The following PAM variants were observed in gnomAD, a reference collection of about 807,000 sequenced individuals.
PAM encodes the protein peptidyl-glycine alpha-amidating monooxygenase.
A neutral mutation model predicts 122.1 loss-of-function variants in PAM; 72 were observed. The ratio of observed to expected loss-of-function variants is 0.59; its 90% CI spans 0.49 to 0.72. The LOEUF is 0.72. Ranked by LOEUF, PAM falls within the 30% of genes least tolerant of loss-of-function variation. The pLI, the probability that PAM is intolerant of heterozygous loss-of-function variation, is 0.00. For missense variants in PAM, 1,106 were observed against 1,183.7 expected, an observed-to-expected ratio of 0.93 and a Z score of 0.96; for synonymous variants, 389 against 404.4, an observed-to-expected ratio of 0.96 and a Z score of 0.46.
At chr5:103,019,693 A>C (rs1299163385) in intron 22 of PAM, 97 bp from the exon 23 acceptor site, 8 of 792,302 alleles carry the variant, frequency 1.0e-5, no homozygotes, top group Non-Finnish European at 1.8e-5. Flanking sequence ...GAATTAAGGA[A>C]ATATTTTCTA....
intron 1 of PAM, among the ~76,000 whole-genome samples, chr5:102,817,376 A>G (rs1049096234): frequency 1.3e-5 from 2 of 152,118 alleles, no homozygotes; most frequent in African/African-American, 2.4e-5. Flanking sequence ...GTCCCAATTA[A>G]AATATGCTCA....
intron 1 of PAM, among the ~76,000 whole-genome samples, chr5:102,801,479 G>A (rs1200643419): frequency 1.3e-5 from 2 of 152,152 alleles, no homozygotes; most frequent in African/African-American, 2.4e-5. Flanking sequence ...TAAACAGAAG[G>A]AATCGTAGCA....
rs1396751526 is a variant in PAM at position 102,820,219 on chromosome 5, AGAGATGATTTCAAATCAGGGTCCTGTGTG to A, written c.-373-45603_-373-45575del. Among the ~76,000 whole-genome samples, 1,179 of 152,242 alleles carry A rather than the reference AGAGATGATTTCAAATCAGGGTCCTGTGTG, an allele frequency of 7.7e-3. 16 individuals are homozygous for A. Among genetic ancestry groups the A allele is most frequent in the African/African-American group, 0.027 (1,114 of 41,530 alleles). On this transcript the variant is annotated intron_variant, in intron 1 of 25. Transcript: ENST00000438793. ...GCATTTTGTTTTTAGTGAGATTGTT[AGAGATGATTTCAAATCAGGGTCCTGTGTG>A]TTGTTAGAGATGATTTCAAATCAGG... is the stretch of plus-strand genomic sequence containing the variant.
chr5:102,977,686 AC>A (rs1485829614), intron 15 of PAM, among the ~76,000 whole-genome samples: 2 of 151,680 alleles, frequency 1.3e-5, no homozygotes, highest in African/African-American at 2.4e-5. Context: ...ACACACACAC[AC>A]ACACACACAC....
intron 1 of PAM, among the ~76,000 whole-genome samples, chr5:102,763,305 A>G (rs1365635920): frequency 1.3e-5 from 2 of 152,122 alleles, no homozygotes; most frequent in African/African-American, 2.4e-5. Flanking sequence ...TTTTTTATCT[A>G]TGTATTTGAC....
At chr5:102,864,257 CA>C (rs1183353915) in intron 1 of PAM, among the ~76,000 whole-genome samples, 4 of 149,400 alleles carry the variant, frequency 2.7e-5, no homozygotes, top group Non-Finnish European at 5.9e-5. Flanking sequence ...TTGTTGCTAG[CA>C]AAGGCAATAG....
Position 102,997,021 on chromosome 5 carries a change from A to C in PAM, c.1614-6012A>C, listed in dbSNP as rs369339199. The stretch of plus-strand genomic sequence containing the variant: ...TTCTAGAATTTGTGTTATCACTGAT[A>C]TTCTTAACAGTGAAAGTATAGTAAT... On this transcript the variant is annotated intron_variant, in intron 16 of 25. Transcript: ENST00000438793. 5.3e-5 allele frequency among the ~76,000 whole-genome samples: 8 copies of C among 152,296 alleles called. No homozygotes were observed. The South Asian group carries it at 1.7e-3, about 32-fold the overall frequency.
intron 21 of PAM, among the ~76,000 whole-genome samples, chr5:103,012,076 A>G (rs963289611): frequency 2.6e-5 from 4 of 152,146 alleles, no homozygotes; most frequent in Admixed American, 6.5e-5. Flanking sequence ...AAAAATGTCT[A>G]TTCAAATCTT....
intron 3 of PAM, among the ~76,000 whole-genome samples, chr5:102,894,162 T>A (rs1164349742): frequency 2.0e-5 from 3 of 151,496 alleles, no homozygotes; most frequent in African/African-American, 7.3e-5. Context: ...GGCTAGAGCT[T>A]TACATAGTCT....
intron 3 of PAM, among the ~76,000 whole-genome samples, chr5:102,887,520 A>C (rs368216143): frequency 6.6e-6 from 1 of 151,992 alleles, no homozygotes; most frequent in South Asian, 2.1e-4. Context: ...TGTGTTCTTC[A>C]GTCAAAGCAC....
intron 1 of PAM, among the ~76,000 whole-genome samples, chr5:102,813,465 C>A (rs1768606941): frequency 6.6e-6 from 1 of 152,158 alleles, no homozygotes. Flanking sequence ...GTAACTACTC[C>A]AAAGACATTG....
At chr5:102,973,408 T>A (rs993847838) in intron 14 of PAM, among the ~76,000 whole-genome samples, 10 of 152,204 alleles carry the variant, frequency 6.6e-5, no homozygotes, top group African/African-American at 2.2e-4. Flanking sequence ...TACTCCTTAA[T>A]ACAGGAAGGC....
intron 1 of PAM, among the ~76,000 whole-genome samples, chr5:102,817,030 T>C (rs1393212600): frequency 6.6e-6 from 1 of 152,138 alleles, no homozygotes; most frequent in Admixed American, 6.6e-5. Flanking sequence ...AACATGTTGG[T>C]ATGTATTTGT....
chr5:102,982,723 C>T (rs1216376322), intron 15 of PAM, among the ~76,000 whole-genome samples: 2 of 152,158 alleles, frequency 1.3e-5, no homozygotes, highest in African/African-American at 2.4e-5. Context: ...TAAAGAAAAA[C>T]ATTTTTCCTT....
intron 15 of PAM, among the ~76,000 whole-genome samples, chr5:102,985,784 C>T (rs1251260232): frequency 5.9e-5 from 9 of 151,966 alleles, no homozygotes; most frequent in Non-Finnish European, 1.3e-4. Flanking sequence ...GATAAGGATA[C>T]AGTGAAAAAA....
intron 5 of PAM, among the ~76,000 whole-genome samples, chr5:102,923,077 C>A (rs960732631): frequency 3.3e-5 from 5 of 152,218 alleles, no homozygotes; most frequent in African/African-American, 1.2e-4. Context: ...TACACAATCT[C>A]TTTCTACAGC....
At chr5:102,867,524 C>T in intron 3 of PAM, 131 bp downstream of exon 3, 1 of 514,722 alleles carries the variant, frequency 1.9e-6, no homozygotes, top group Non-Finnish European at 3.4e-6. Flanking sequence ...CCAGCTAAGG[C>T]TAGAATAATT....
At chr5:102,771,911 T>C (rs1168626976) in intron 1 of PAM, among the ~76,000 whole-genome samples, 3 of 152,168 alleles carry the variant, frequency 2.0e-5, no homozygotes, top group Admixed American at 2.0e-4. Flanking sequence ...TTTCTTGTCC[T>C]AGTAAACTAT....
At position 102,812,868 on chromosome 5, in the gene PAM, A is replaced by T. The variant is rs189418787; in HGVS notation, c.-373-52955A>T. On this transcript the variant is annotated intron_variant, in intron 1 of 25. Transcript: ENST00000438793. ...AAAATATACATTTAGTTATTTCTTTATGTACATAGTAAGCTCATTTCAATG... is the reference window on the plus strand; with the variant it reads ...AAAATATACATTTAGTTATTTCTTTTTGTACATAGTAAGCTCATTTCAATG... Among the ~76,000 whole-genome samples, 195 of 152,230 alleles carry T rather than the reference A, an allele frequency of 1.3e-3. 1 individual carries two copies. The highest frequency in any genetic ancestry group is 4.5e-3 in the African/African-American group (187 of 41,576).
Sources: gnomAD v4.1 joint callset for allele counts (sites outside exome capture counted in the v4.1 genomes callset) on GRCh38, gnomAD v4.1.1 for gene constraint, MANE v1.5 for transcripts, NCBI Gene and HGNC (gene_info 2026-07-23, HGNC 2026-07-21) for gene names.